The following CCDC40 variants were observed in gnomAD, a reference collection of about 807,000 sequenced individuals.
The protein encoded by CCDC40 is coiled-coil domain-containing protein 40.
CCDC40 carries 104 observed loss-of-function variants against 124.5 expected under a neutral mutation model. The ratio of observed to expected loss-of-function variants is 0.84; its 90% confidence interval spans 0.71 to 0.98. The LOEUF is 0.98. Ranked by LOEUF, CCDC40 falls within the 50% of genes least tolerant of loss-of-function variation. The probability of loss-of-function intolerance (pLI) is 0.00; values close to 1 mark genes in which losing one functional copy is unlikely to be tolerated. For missense variants in CCDC40, 1,463 were observed against 1,503.9 expected, an observed-to-expected ratio of 0.97 and a Z score of 0.45; for synonymous variants, 580 against 602.9, an observed-to-expected ratio of 0.96 and a Z score of 0.56.
chr17:80,039,721 T>A, intron 2 of CCDC40, 91 bp from the exon 3 acceptor site: 1 of 1,498,750 alleles, frequency 6.7e-7, no homozygotes, highest in Non-Finnish European at 9.0e-7. Flanking sequence ...AATGCAGTTT[T>A]CCCATTGATA....
At chr17:80,037,691 ATAT>A (rs1568665013) in intron 1 of CCDC40, among the ~76,000 whole-genome samples, 11 of 75,966 alleles carry the variant, frequency 1.4e-4, no homozygotes, top group African/African-American at 5.8e-4. Flanking sequence ...TTTAAAAAAG[ATAT>A]ACATATATAT....
intron 3 of CCDC40, among the ~76,000 whole-genome samples, chr17:80,044,704 A>ATATATATATATATATATATATATATATAT (rs1485851817): frequency 2.7e-5 from 1 of 37,226 alleles, no homozygotes; most frequent in African/African-American, 7.9e-5. Context: ...AAAACAAACA[A>ATATATATATATATATATATATATATATAT]ACAAAAAAAA....
Position 80,090,020 on chromosome 17 carries a change from G to C in CCDC40, c.2832+136G>C. ...CTGGCCACATTGGCTGGTGGCAATG[G>C]GTGAGATTTCCAGGGAGCGACCCGC... is the stretch of plus-strand genomic sequence containing the variant. On this transcript the variant is annotated intron_variant, in intron 17 of 19. Transcript: ENST00000397545. 1.9e-6 allele frequency: 3 copies of C among 1,538,766 alleles called. No homozygotes were observed. In the South Asian group the frequency reaches 3.6e-5, roughly 18 times the overall value.
chr17:80,064,782 C>T (rs1318115442), intron 9 of CCDC40, among the ~76,000 whole-genome samples: 3 of 151,968 alleles, frequency 2.0e-5, no homozygotes, highest in Non-Finnish European at 4.4e-5. Flanking sequence ...ACCTGCCCAC[C>T]CCTGGCTGTC....
At chr17:80,097,696 C>T (rs1195525339) in intron 19 of CCDC40, 1 of 432,250 alleles carries the variant, frequency 2.3e-6, no homozygotes, top group Non-Finnish European at 4.3e-6. Flanking sequence ...GAGGTTACCT[C>T]CTGGGGCAGG....
At chr17:80,069,331 G>C (rs980800175) in intron 10 of CCDC40, among the ~76,000 whole-genome samples, 2 of 152,170 alleles carry the variant, frequency 1.3e-5, no homozygotes, top group African/African-American at 4.8e-5. Flanking sequence ...CAGAAGCTGT[G>C]CCTGTCTTGG....
At chr17:80,092,346 GT>G (rs2038737353) in intron 17 of CCDC40, among the ~76,000 whole-genome samples, 1 of 151,858 alleles carries the variant, frequency 6.6e-6, no homozygotes, top group Admixed American at 6.6e-5. Context: ...AGCCCTACAA[GT>G]TTTGATAGAG....
In CCDC40 at chr17:80,048,612, C is replaced by T. The variant is rs1198634761; in HGVS notation, c.706C>T (p.Pro236Ser). 3 of 1,613,888 alleles carry T rather than the reference C, an allele frequency of 1.9e-6. No homozygotes were observed. The African/African-American group carries it at 4.0e-5, about 22-fold the overall frequency. Residue 236 changes from proline to serine, a missense_variant, in exon 5 of 20, where the codon CCC (proline) becomes TCC (serine). Physicochemically the swap from Pro to Ser is moderately conservative, Grantham distance 74. Transcript: ENST00000397545. ...CCCCCCAGGGGTGCCCGATGCCCAC[C>T]CCAGGGAAGGAGACCTGCCAGTGTT... The part of the protein sequence containing the change: ...VIPPGVPDAH[P>S]REGDLPVFQD...
Position 80,090,387 on chromosome 17 carries a change from A to G in CCDC40, c.2832+503A>G, listed in dbSNP as rs770707270. The G allele has an allele frequency of 2.0e-4, 169 of 825,080 alleles. 10 individuals carry two copies. The highest frequency in any genetic ancestry group is 3.6e-4 in the East Asian group (9 of 24,896). The allele number at this position is 825,080 out of a possible 1,614,324, so 51.1% of individuals were successfully genotyped here. ...ACGTGCACGAACACAGGACACACACAGCACGTGCATGAACAACACAGGACA... is the reference window on the plus strand; with the variant it reads ...ACGTGCACGAACACAGGACACACACGGCACGTGCATGAACAACACAGGACA... On this transcript the variant is annotated intron_variant, in intron 17 of 19. Transcript: ENST00000397545.
At position 80,058,534 on chromosome 17, in the gene CCDC40, T is replaced by A. The variant is rs773046353; in HGVS notation, c.1200T>A (p.His400Gln). 2.3e-5 allele frequency: 37 copies of A among 1,613,974 alleles called. No homozygotes were observed. Among genetic ancestry groups the A allele is most frequent in the Non-Finnish European group, 3.1e-5 (36 of 1,180,016 alleles). Residue 400 changes from histidine (H) to glutamine (Q), a missense_variant, in exon 8 of 20, where the codon CAT (histidine) becomes CAA (glutamine). By Grantham distance (24) the His-to-Gln change is conservative. Coordinates refer to ENST00000397545, the MANE Select transcript of CCDC40 (RefSeq NM_017950.4). The surrounding 1 kb of genome is among the most constrained non-coding windows in gnomAD (Gnocchi z 4.2). ...LQTEMENLAL[H>Q]LFYMQNIDQD... Reference sequence around the variant, plus strand: ...CTGAGATGGAGAACTTGGCCCTGCATCTCTTCTACATGCAGAACATCGACC... The same window carrying A: ...CTGAGATGGAGAACTTGGCCCTGCAACTCTTCTACATGCAGAACATCGACC...
chr17:80,065,475 TTGGC>T lies in CCDC40; in HGVS notation c.1441-7_1441-4del. On this transcript the variant is annotated splice_region_variant and splice_polypyrimidine_tract_variant and intron_variant, in intron 9 of 19. Transcript: ENST00000397545. Reference sequence around the variant, plus strand: ...ACAGCCATTCCTGCCCCCTCCCCTGTTGGCTGCAGGCCTGCACCGAGATCGACGC... The same window carrying T: ...ACAGCCATTCCTGCCCCCTCCCCTGTTGCAGGCCTGCACCGAGATCGACGC... 6.2e-7 allele frequency: 1 copy of T among 1,613,014 alleles called. No homozygotes were observed. Among genetic ancestry groups the T allele is most frequent in the Non-Finnish European group, 8.5e-7 (1 of 1,179,928 alleles).
At chr17:80,074,946 G>A (rs1332982893) in intron 10 of CCDC40, among the ~76,000 whole-genome samples, 1 of 151,934 alleles carries the variant, frequency 6.6e-6, no homozygotes, top group Non-Finnish European at 1.5e-5. Context: ...TTTTTGAGGT[G>A]GAGTCTTGCT....
At chr17:80,068,651 G>A (rs2038111070) in intron 10 of CCDC40, among the ~76,000 whole-genome samples, 1 of 147,622 alleles carries the variant, frequency 6.8e-6, no homozygotes, top group Admixed American at 6.6e-5. Context: ...GGGCATTTCT[G>A]GAGCCTTCAC....
Position 80,036,749 on chromosome 17 carries a change from C to A in CCDC40, c.29+58C>A, listed in dbSNP as rs3752041. ...GTCGCCAGGCCGCGCTCTCCGTTCA[C>A]CGCTCCAGGTGGCCCCCGCGTCGGC... On this transcript the variant is annotated intron_variant, in intron 1 of 19. Coordinates refer to ENST00000397545, the MANE Select transcript of CCDC40 (RefSeq NM_017950.4). The A allele has an allele frequency of 0.24, 341,397 of 1,444,646 alleles. 42,343 individuals are homozygous for A. Among genetic ancestry groups the A allele is most frequent in the Admixed American group, 0.31 (13,306 of 43,012 alleles). 89.5% of individuals were successfully genotyped at this position (1,444,646 alleles called of 1,614,324 possible).
At position 80,087,507 on chromosome 17, in the gene CCDC40, GGA is replaced by G; in HGVS notation, c.2450-95_2450-94del. 1.1e-6 allele frequency: 1 copy of G among 876,158 alleles called. No homozygotes were observed. The highest frequency in any genetic ancestry group is 1.9e-6 in the Non-Finnish European group (1 of 527,700). 54.3% of individuals were successfully genotyped at this position (876,158 alleles called of 1,614,324 possible). On this transcript the variant is annotated intron_variant, in intron 14 of 19. Transcript: ENST00000397545. This position sits in a 1 kb window ranked among gnomAD's most constrained non-coding sequence, Gnocchi z 4.5. Reference sequence around the variant, plus strand: ...AGGGAGGGGATGAAGGGAGCTACAGGGAGAGACAAAACCTGGCTCACCTCTCG... The same window carrying G: ...AGGGAGGGGATGAAGGGAGCTACAGGGAGACAAAACCTGGCTCACCTCTCG...
At chr17:80,043,458 C>T (rs1378461220) in intron 3 of CCDC40, among the ~76,000 whole-genome samples, 1 of 152,122 alleles carries the variant, frequency 6.6e-6, no homozygotes, top group East Asian at 1.9e-4. Context: ...ACACCATGTA[C>T]ACAGACATTC....
intron 2 of CCDC40, among the ~76,000 whole-genome samples, chr17:80,039,194 C>G (rs1031454918): frequency 6.6e-6 from 1 of 151,962 alleles, no homozygotes; most frequent in African/African-American, 2.4e-5. Flanking sequence ...TGGTGAAACC[C>G]CATCCCTACT....
Position 80,065,649 on chromosome 17 carries a change from G to T in CCDC40, c.1562+43G>T, listed in dbSNP as rs201714847. ...GCAGCGAGGATGTGCGGGAACCCCA[G>T]GGGTCCGTGGCAGGCCCGCCCCACA... On this transcript the variant is annotated intron_variant, in intron 10 of 19. Coordinates refer to ENST00000397545, the MANE Select transcript of CCDC40 (RefSeq NM_017950.4). 9.9e-6 allele frequency: 16 copies of T among 1,609,254 alleles called. No individual in the cohort carries two copies. In the East Asian group the frequency reaches 3.6e-4, roughly 36 times the overall value.
chr17:80,044,034 T>C (rs1467038151), intron 3 of CCDC40, among the ~76,000 whole-genome samples: 1 of 152,160 alleles, frequency 6.6e-6, no homozygotes, highest in African/African-American at 2.4e-5. Flanking sequence ...GGATGCTTTA[T>C]ACTTCTTAGC....
Sources: gnomAD v4.1 joint callset for allele counts (sites outside exome capture counted in the v4.1 genomes callset) on GRCh38, gnomAD v4.1.1 for gene constraint, Gnocchi (gnomAD v3.1) non-coding constraint, MANE v1.5 for transcripts, NCBI Gene and HGNC (gene_info 2026-07-23, HGNC 2026-07-21) for gene names.